Variants in MOCS1 observed in about 807,000 individuals in gnomAD.
The protein encoded by MOCS1 is molybdenum cofactor biosynthesis protein 1.
Under a neutral mutation model 57.6 loss-of-function variants are expected in MOCS1, and 39 were observed. The ratio of observed to expected loss-of-function variants is 0.68; its 90% CI spans 0.52 to 0.88. The LOEUF (loss-of-function observed/expected upper bound fraction) is 0.88. MOCS1 is among the 40% of genes least tolerant of loss of function. The pLI, the probability that MOCS1 is intolerant of heterozygous loss-of-function variation, is 0.00. For synonymous variants in MOCS1, 334 were observed against 335.7 expected, an observed-to-expected ratio of 1.00 and a Z score of 0.05; for missense variants, 795 against 831.1, an observed-to-expected ratio of 0.96 and a Z score of 0.53.
chr6:39,906,992 CT>C lies in MOCS1; in HGVS notation c.1275del (p.Gly426AspfsTer10), dbSNP rs1562083594. 2.5e-6 allele frequency: 4 copies of C among 1,613,980 alleles called. No individual in the cohort carries two copies. The East Asian group carries it at 6.7e-5, about 27-fold the overall frequency. On this transcript the variant is annotated frameshift_variant, in exon 11 of 11. Coordinates refer to ENST00000340692, the MANE Select transcript of MOCS1 (RefSeq NM_001358530.2). LOFTEE classifies it high-confidence loss of function. ...SFSSQVATLW[K>X]GCRVPQTPPL... ...GGAGGGGTCTGGGGGACCCTGCATC[CT>C]TTCCATAAAGTGGCCACCTGGCTGG...
At chr6:39,910,153 C>T (rs577680777) in intron 8 of MOCS1, among the ~76,000 whole-genome samples, 198 bp from the exon 9 acceptor site, 30 of 152,312 alleles carry the variant, frequency 2.0e-4, no homozygotes, top group African/African-American at 5.3e-4. Flanking sequence ...AGGCAAAATT[C>T]GACTTCCCAA....
chr6:39,909,545 A>C (rs1767188482), intron 9 of MOCS1, among the ~76,000 whole-genome samples: 1 of 152,086 alleles, frequency 6.6e-6, no homozygotes, highest in African/African-American at 2.4e-5. Flanking sequence ...GTGTGGGATG[A>C]GAAAGAAGCA....
At chr6:39,920,987 A>AAG (rs1767933921) in intron 3 of MOCS1, among the ~76,000 whole-genome samples, 1 of 143,828 alleles carries the variant, frequency 7.0e-6, no homozygotes. Context: ...CAAAAAAAAA[A>AAG]GGGGGGGGGA....
At chr6:39,930,942 T>C (rs1290215070) in intron 1 of MOCS1, among the ~76,000 whole-genome samples, 2 of 152,168 alleles carry the variant, frequency 1.3e-5, no homozygotes, top group Non-Finnish European at 2.9e-5. Context: ...GCACCGAGGT[T>C]TTCATTCAGT....
chr6:39,905,764 G>C lies in MOCS1; in HGVS notation c.*593C>G. The C allele has an allele frequency of 2.1e-6, 1 of 471,206 alleles. No individual in the cohort carries two copies. Among genetic ancestry groups the C allele is most frequent in the Non-Finnish European group, 4.4e-6 (1 of 227,066 alleles). 29.2% of individuals were successfully genotyped at this position (471,206 alleles called of 1,614,324 possible). A position where few individuals can be genotyped will look rare whatever the true frequency, so the allele number is the denominator to read the frequency against. ...GCCAGCAGGACCGGGCAACTGTTAA[G>C]CTGAAAGGCTGCAAGTCTGATGGGA... is the stretch of plus-strand genomic sequence containing the variant. On this transcript the variant is annotated 3_prime_UTR_variant, in exon 11 of 11. Coordinates refer to ENST00000340692, the MANE Select transcript of MOCS1 (RefSeq NM_001358530.2).
At chr6:39,922,447 G>A (rs547988685) in intron 3 of MOCS1, among the ~76,000 whole-genome samples, 8 of 152,202 alleles carry the variant, frequency 5.3e-5, no homozygotes, top group Admixed American at 2.6e-4. Flanking sequence ...GTTAGTGTTC[G>A]TGTATTTTAT....
rs143730711 is a variant in MOCS1 at position 39,906,901 on chromosome 6, T to A, written c.1367A>T (p.Asp456Val). ...TGGGCTAAGGCACTTTGAGTTGGCATCTGAGTCTGCACGGGAAGTGTAGTG... is the reference window on the plus strand; with the variant it reads ...TGGGCTAAGGCACTTTGAGTTGGCAACTGAGTCTGCACGGGAAGTGTAGTG... The part of the protein sequence containing the change: ...QRHYTSRADS[D>V]ANSKCLSPGS... Residue 456 changes from aspartate to valine, a missense_variant, in exon 11 of 11, where the codon GAT becomes GTT. Physicochemically the swap from Asp to Val is radical, Grantham distance 152. This residue lies in a region of MOCS1 where 374 missense variants were observed against 422.6 expected (regional missense o/e 0.89). Transcript: ENST00000340692. 6.3e-5 allele frequency: 102 copies of A among 1,614,192 alleles called. No individual in the cohort carries two copies. Among genetic ancestry groups the A allele is most frequent in the Non-Finnish European group, 8.5e-5 (100 of 1,180,044 alleles).
chr6:39,916,340 G>A (rs755003030), intron 3 of MOCS1, 108 bp from the exon 4 acceptor site: 128 of 1,380,786 alleles, frequency 9.3e-5, no homozygotes, highest in Non-Finnish European at 1.2e-4. Flanking sequence ...ATGGAAAAGA[G>A]GCTCTCTGCA....
At chr6:39,913,476 T>C (rs1176330547) in intron 5 of MOCS1, 48 bp from the exon 6 acceptor site, 10 of 1,535,974 alleles carry the variant, frequency 6.5e-6, no homozygotes, top group African/African-American at 1.4e-5. Flanking sequence ...CCTGCATTCT[T>C]TTGTGGAGAT....
At chr6:39,917,387 T>G (rs562758742) in intron 3 of MOCS1, among the ~76,000 whole-genome samples, 26 of 152,278 alleles carry the variant, frequency 1.7e-4, no homozygotes, top group African/African-American at 6.0e-4. Context: ...TACCTCCTAC[T>G]GGGTCCCTCC....
chr6:39,913,202 C>T, intron 6 of MOCS1, 115 bp downstream of exon 6: 1 of 994,304 alleles, frequency 1.0e-6, no homozygotes, highest in Non-Finnish European at 1.6e-6. Flanking sequence ...AACAGCCCAT[C>T]ATAATCCTAG....
At chr6:39,912,223 C>CAA in intron 8 of MOCS1, 41 bp downstream of exon 8, 1 of 1,442,666 alleles carries the variant, frequency 6.9e-7, no homozygotes, top group East Asian at 2.3e-5. Flanking sequence ...CATGAGAACA[C>CAA]AGAGGTGGCA....
intron 4 of MOCS1, among the ~76,000 whole-genome samples, chr6:39,915,330 C>G (rs1582815862): frequency 6.6e-6 from 1 of 152,022 alleles, no homozygotes; most frequent in African/African-American, 2.4e-5. Flanking sequence ...TGGGGCTGAT[C>G]TTGAAGCTGT....
rs138907488 is a variant in MOCS1 at position 39,905,819 on chromosome 6, T to TCAGGACAGGA, written c.*528_*537dup. ...GACTTGGGCAGAAGGAGAGATGAAGTCAGGACAGGACAGGACAGGGCAGGG... is the reference window on the plus strand; with the variant it reads ...GACTTGGGCAGAAGGAGAGATGAAGTCAGGACAGGACAGGACAGGACAGGACAGGGCAGGG... On this transcript the variant is annotated 3_prime_UTR_variant, in exon 11 of 11. Coordinates refer to ENST00000340692, the MANE Select transcript of MOCS1 (RefSeq NM_001358530.2). 6.2e-5 allele frequency: 29 copies of TCAGGACAGGA among 469,290 alleles called. No individual in the cohort carries two copies. Among genetic ancestry groups the TCAGGACAGGA allele is most frequent in the East Asian group, 4.9e-4 (7 of 14,256 alleles). 29.1% of individuals were successfully genotyped at this position (469,290 alleles called of 1,614,324 possible).
chr6:39,917,475 A>G (rs527354059), intron 3 of MOCS1, among the ~76,000 whole-genome samples: 10 of 152,276 alleles, frequency 6.6e-5, no homozygotes, highest in African/African-American at 2.4e-4. Context: ...TTTCGGGGGC[A>G]AGGCCTGAGT....
intron 4 of MOCS1, among the ~76,000 whole-genome samples, chr6:39,914,099 CA>C (rs1388242081): frequency 2.6e-5 from 4 of 152,218 alleles, no homozygotes; most frequent in African/African-American, 9.6e-5. Context: ...AAATGGGATA[CA>C]ATAATGCGAT....
intron 8 of MOCS1, among the ~76,000 whole-genome samples, chr6:39,911,175 C>T (rs547416928): frequency 1.2e-4 from 18 of 152,298 alleles, no homozygotes; most frequent in African/African-American, 3.1e-4. Flanking sequence ...CTGCCAAGAC[C>T]TCACAGATAC....
rs1562077009 is a variant in MOCS1 at position 39,904,888 on chromosome 6, G to GCCTT, written c.*1465_*1468dup. On this transcript the variant is annotated 3_prime_UTR_variant, in exon 11 of 11. Coordinates refer to ENST00000340692, the MANE Select transcript of MOCS1 (RefSeq NM_001358530.2). ...CTACCCAGTCTGCCTTTAAACTTGT[G>GCCTT]CCTTCTTCCTATGAGGGGATCTGGG... 6 of 453,970 alleles carry GCCTT rather than the reference G, an allele frequency of 1.3e-5. No individual in the cohort carries two copies. Among genetic ancestry groups the GCCTT allele is most frequent in the Non-Finnish European group, 2.6e-5 (6 of 226,804 alleles). The allele number at this position is 453,970 out of a possible 1,614,324, so 28.1% of individuals were successfully genotyped here.
In MOCS1 at chr6:39,905,617, GGGGTGGGT is replaced by G; in HGVS notation, c.*732_*739del. On this transcript the variant is annotated 3_prime_UTR_variant, in exon 11 of 11. Coordinates refer to ENST00000340692, the MANE Select transcript of MOCS1 (RefSeq NM_001358530.2). ...TCCCTGATATGCTCCAGAATAAAGA[GGGGTGGGT>G]GGAACAGCCGTGAACAGGGCCAGGT... The G allele has an allele frequency of 2.1e-6, 1 of 471,212 alleles. No individual in the cohort carries two copies. Among genetic ancestry groups the G allele is most frequent in the South Asian group, 1.5e-5 (1 of 64,564 alleles). 29.2% of individuals were successfully genotyped at this position (471,212 alleles called of 1,614,324 possible).
Sources: allele counts gnomAD v4.1 joint callset (sites outside exome capture counted in the v4.1 genomes callset), GRCh38; gene constraint gnomAD v4.1.1; regional missense constraint gnomAD v4.1.1; transcripts MANE v1.5; gene names NCBI Gene and HGNC (gene_info 2026-07-23, HGNC 2026-07-21).